Variants in STK3 observed in about 807,000 individuals in gnomAD.
STK3 encodes serine/threonine-protein kinase 3.
STK3 carries 41 observed loss-of-function variants against 58.0 expected under a neutral mutation model. The observed-to-expected ratio is 0.71, with a 90% CI of 0.55 to 0.92. STK3 has a LOEUF of 0.92. STK3 is among the 40% of genes least tolerant of loss of function. STK3 has a pLI of 0.00. For synonymous variants in STK3, 170 were observed against 191.0 expected, an observed-to-expected ratio of 0.89 and a Z score of 0.91; for missense variants, 479 against 602.7, an observed-to-expected ratio of 0.79 and a Z score of 2.15.
chr8:98,782,685 T>C (rs1438546251), intron 1 of STK3: 1 of 152,932 alleles, frequency 6.5e-6, no homozygotes, highest in Admixed American at 6.7e-5. Flanking sequence ...AGATCAATCA[T>C]TAAAATAAAA....
chr8:98,428,074 C>G lies in STK3; in HGVS notation n.483+6053G>C, dbSNP rs1436279030. On this transcript the variant is annotated intron_variant and non_coding_transcript_variant, in intron 3 of 3. Coordinates refer to the STK3 transcript ENST00000517832. This position sits in a 1 kb window ranked among gnomAD's most constrained non-coding sequence, Gnocchi z 6.7. ...GGCGGCTTCAAGAGGAGGCTGCGCT[C>G]GCACACGCTGCTGCGCTTCCCCGAG... is the stretch of plus-strand genomic sequence containing the variant. 1.2e-6 allele frequency: 2 copies of G among 1,613,552 alleles called. No individual in the cohort carries two copies. Among genetic ancestry groups the G allele is most frequent in the Non-Finnish European group, 8.5e-7 (1 of 1,179,820 alleles).
chr8:98,655,180 G>A (rs1003638986), intron 6 of STK3, among the ~76,000 whole-genome samples: 14 of 151,722 alleles, frequency 9.2e-5, no homozygotes, highest in African/African-American at 1.7e-4. Context: ...AAATAACGCC[G>A]CATACCTACA....
At position 98,526,576 on chromosome 8, in the gene STK3, T is replaced by C. The variant is rs1025584641; in HGVS notation, c.1317+166A>G. 12 of 497,400 alleles carry C rather than the reference T, an allele frequency of 2.4e-5. No homozygotes were observed. The Admixed American group carries it at 5.3e-4, about 22-fold the overall frequency. 30.8% of individuals were successfully genotyped at this position (497,400 alleles called of 1,614,324 possible). On this transcript the variant is annotated intron_variant, in intron 10 of 10. Coordinates refer to ENST00000419617, the MANE Select transcript of STK3 (RefSeq NM_006281.4). ...TACATTTCTATAAGCAAGCTACAGT[T>C]TCACAATTTCTCTAACCATGTATAT...
intron 3 of STK3, among the ~76,000 whole-genome samples, chr8:98,850,872 G>A (rs547268609): frequency 6.6e-6 from 1 of 152,176 alleles, no homozygotes; most frequent in East Asian, 1.9e-4. Context: ...CAGCTCCAGG[G>A]CCCTTCAGAA....
At chr8:98,500,560 T>C (rs1341841405) in intron 10 of STK3, among the ~76,000 whole-genome samples, 2 of 152,108 alleles carry the variant, frequency 1.3e-5, no homozygotes, top group Admixed American at 1.3e-4. Context: ...CCCCGCCCTG[T>C]GTCCAAGTGT....
intron 1 of STK3, among the ~76,000 whole-genome samples, chr8:98,818,310 C>G (rs1402615961): frequency 6.6e-6 from 1 of 152,166 alleles, no homozygotes; most frequent in Non-Finnish European, 1.5e-5. Context: ...TTTCATTCAC[C>G]AATGAGCATC....
intron 8 of STK3, among the ~76,000 whole-genome samples, chr8:98,551,245 G>C (rs930781745): frequency 1.1e-4 from 16 of 152,022 alleles, no homozygotes; most frequent in Non-Finnish European, 2.1e-4. Context: ...AACTTCCATA[G>C]AATTTACAAC....
chr8:98,455,435 T>A lies in STK3; in HGVS notation c.*407A>T, dbSNP rs1278447162. On this transcript the variant is annotated 3_prime_UTR_variant, in exon 11 of 11. Transcript: ENST00000419617. ...ATGAAACAAAGCAAAATAGCATAAA[T>A]AAATAAGTTTACCTAAGGGGATACA... The A allele has an allele frequency of 6.4e-6, 1 of 157,162 alleles. No homozygotes were observed. Among genetic ancestry groups the A allele is most frequent in the Non-Finnish European group, 1.4e-5 (1 of 71,786 alleles). 9.7% of individuals were successfully genotyped at this position (157,162 alleles called of 1,614,324 possible).
intron 6 of STK3, among the ~76,000 whole-genome samples, chr8:98,637,879 A>G (rs907162383): frequency 2.6e-5 from 4 of 152,188 alleles, no homozygotes; most frequent in African/African-American, 9.7e-5. Flanking sequence ...TAGGTATATG[A>G]CAAACTAAGT....
downstream of STK3, among the ~76,000 whole-genome samples, chr8:98,368,363 C>G (rs1817583251): frequency 6.6e-6 from 1 of 152,192 alleles, no homozygotes; most frequent in South Asian, 2.1e-4. Context: ...GGGTGGGGAT[C>G]CTGGGCCCCC....
At chr8:98,716,834 G>C (rs1264196435) in intron 4 of STK3, among the ~76,000 whole-genome samples, 1 of 152,056 alleles carries the variant, frequency 6.6e-6, no homozygotes, top group African/African-American at 2.4e-5. Context: ...AGATAGATGG[G>C]AGGAACAGAG....
chr8:98,818,890 G>A (rs377330535), intron 1 of STK3, among the ~76,000 whole-genome samples: 252 of 151,970 alleles, frequency 1.7e-3, no homozygotes, highest in African/African-American at 5.7e-3. Flanking sequence ...GCGCAATCTC[G>A]GCTCACTGCA....
chr8:98,651,983 G>A lies in STK3; in HGVS notation c.684+54484C>T, dbSNP rs528645136. 8.0e-4 allele frequency among the ~76,000 whole-genome samples: 121 copies of A among 151,878 alleles called. 1 individual carries two copies. The highest frequency in any genetic ancestry group is 2.9e-3 in the African/African-American group (119 of 41,394). On this transcript the variant is annotated intron_variant, in intron 6 of 10. Transcript: ENST00000419617. ...TTCAGATTCAGGAAATACAGAGAAC[G>A]CCACAAAGATACTCCTCGAGAAGAG... is the stretch of plus-strand genomic sequence containing the variant.
chr8:98,626,596 T>A (rs560898126), intron 6 of STK3, among the ~76,000 whole-genome samples: 112 of 152,180 alleles, frequency 7.4e-4, no homozygotes, highest in African/African-American at 2.6e-3. Flanking sequence ...GGGACTGAGA[T>A]GAGGCCATCG....
intron 3 of STK3, among the ~76,000 whole-genome samples, chr8:98,850,242 T>C (rs1587746560): frequency 6.6e-6 from 1 of 152,188 alleles, no homozygotes; most frequent in South Asian, 2.1e-4. Flanking sequence ...GGGACAATCA[T>C]AGCACACTAC....
intron 10 of STK3, among the ~76,000 whole-genome samples, chr8:98,477,731 C>G (rs1398810474): frequency 1.1e-4 from 3 of 28,478 alleles, no homozygotes; most frequent in African/African-American, 2.5e-4. Flanking sequence ...CGGGGGGGGG[C>G]CCTAATGAAG....
rs563942998 is a variant in STK3, at chr8:98,377,890, G to A, written n.111+1263C>T. On this transcript the variant is annotated intron_variant and non_coding_transcript_variant, in intron 2 of 2. Transcript: ENST00000518704. The stretch of plus-strand genomic sequence containing the variant: ...TCAGGGAGGGAAACGTGTTTCTTTA[G>A]CAGCTAGTAAGGTTGAAGCTCCACT... Among the ~76,000 whole-genome samples the A allele has an allele frequency of 2.0e-3, 312 of 152,262 alleles. 1 individual carries two copies. The highest frequency in any genetic ancestry group is 7.2e-3 in the African/African-American group (300 of 41,564).
chr8:98,366,725 C>T (rs945558912), downstream of STK3, among the ~76,000 whole-genome samples: 7 of 152,186 alleles, frequency 4.6e-5, no homozygotes, highest in African/African-American at 1.7e-4. Context: ...CACCCACCCC[C>T]ACCTGGCTTC....
chr8:98,647,940 T>A (rs1306072348), intron 6 of STK3, among the ~76,000 whole-genome samples: 1 of 152,222 alleles, frequency 6.6e-6, no homozygotes, highest in Non-Finnish European at 1.5e-5. Context: ...TCAGGAGGTA[T>A]CTTTTTTGCC....
Sources: gnomAD v4.1 joint callset for allele counts (sites outside exome capture counted in the v4.1 genomes callset) on GRCh38, gnomAD v4.1.1 for gene constraint, Gnocchi (gnomAD v3.1) non-coding constraint, MANE v1.5 for transcripts, NCBI Gene and HGNC (gene_info 2026-07-23, HGNC 2026-07-21) for gene names.